The following IFT140 variants were observed in gnomAD, a reference collection of about 807,000 sequenced individuals.
IFT140 encodes intraflagellar transport protein 140 homolog.
Under a neutral mutation model 164.6 loss-of-function variants are expected in IFT140, and 133 were observed. The ratio of observed to expected loss-of-function variants is 0.81; its 90% CI spans 0.70 to 0.93. The LOEUF (loss-of-function observed/expected upper bound fraction) is 0.93, where lower values mean the gene tolerates loss of function less well. Ranked by LOEUF, IFT140 falls within the 40% of genes least tolerant of loss-of-function variation. The probability of loss-of-function intolerance (pLI) is 0.00; values close to 1 mark genes in which losing one functional copy is unlikely to be tolerated. For synonymous variants in IFT140, 860 were observed against 817.3 expected, an observed-to-expected ratio of 1.05 and a Z score of -0.89; for missense variants, 2,045 against 1,972.3, an observed-to-expected ratio of 1.04 and a Z score of -0.70.
At position 1,526,414 on chromosome 16, in the gene IFT140, C is replaced by A. The variant is rs1053796144; in HGVS notation, c.2577+205G>T. The A allele has an allele frequency of 8.0e-6, 5 of 626,586 alleles. No homozygotes were observed. The South Asian group carries it at 8.2e-5, about 10-fold the overall frequency. 38.8% of individuals were successfully genotyped at this position (626,586 alleles called of 1,614,324 possible). ...CAGGCCCACACACCTGACAGGCACA[C>A]ACCCTGGAGAGCCGGCGGTCGCCTA... On this transcript the variant is annotated intron_variant, in intron 20 of 30. Coordinates refer to ENST00000426508, the MANE Select transcript of IFT140 (RefSeq NM_014714.4).
At chr16:1,550,851 G>A (rs995795763) in intron 19 of IFT140, among the ~76,000 whole-genome samples, 2 of 152,256 alleles carry the variant, frequency 1.3e-5, no homozygotes, top group Non-Finnish European at 2.9e-5. Flanking sequence ...AGCCGTCTCT[G>A]TGGCTGACGC....
Position 1,531,154 on chromosome 16 carries a change from T to C in IFT140, c.2400-4358A>G, listed in dbSNP as rs2141218392. ...GGTGTGGGGTTCTGGGGTTTGTGCA[T>C]CTGACATAAATTCCAAGAAGTAAAC... On this transcript the variant is annotated intron_variant, in intron 19 of 30. Transcript: ENST00000426508. The surrounding 1 kb of genome is among the most constrained non-coding windows in gnomAD (Gnocchi z 4.7). 6.6e-6 allele frequency: 1 copy of C among 152,338 alleles called. No individual in the cohort carries two copies. Among genetic ancestry groups the C allele is most frequent in the Non-Finnish European group, 1.5e-5 (1 of 68,044 alleles). The allele number at this position is 152,338 out of a possible 1,614,324, so 9.4% of individuals were successfully genotyped here. A position where few individuals can be genotyped will look rare whatever the true frequency, so the allele number is the denominator to read the frequency against.
At chr16:1,539,598 C>A (rs1472549910) in intron 19 of IFT140, among the ~76,000 whole-genome samples, 2 of 152,250 alleles carry the variant, frequency 1.3e-5, no homozygotes, top group African/African-American at 2.4e-5. Flanking sequence ...TTAGAGAGAA[C>A]CTCGCGGGAG....
chr16:1,546,218 G>C (rs1472241985), intron 19 of IFT140, among the ~76,000 whole-genome samples: 2 of 152,244 alleles, frequency 1.3e-5, no homozygotes, highest in Admixed American at 1.3e-4. Flanking sequence ...GCCACAGCAT[G>C]ACCCTGGCAC....
At chr16:1,549,245 G>A (rs999011545) in intron 19 of IFT140, among the ~76,000 whole-genome samples, 2 of 152,218 alleles carry the variant, frequency 1.3e-5, no homozygotes, top group African/African-American at 4.8e-5. Context: ...TCTCCACACA[G>A]AAGTCACGTA....
At chr16:1,520,832 G>A (rs763923697) in intron 26 of IFT140, 24 bp from the exon 27 acceptor site, 11 of 1,590,654 alleles carry the variant, frequency 6.9e-6, no homozygotes, top group Middle Eastern at 1.6e-4. Context: ...GAAATGGGAC[G>A]GGGCTGCCGA....
intron 18 of IFT140, 105 bp downstream of exon 18, chr16:1,561,880 C>G: frequency 8.3e-7 from 1 of 1,204,194 alleles, no homozygotes; most frequent in Non-Finnish European, 1.1e-6. Flanking sequence ...CCCGGCAGAG[C>G]CACGAGGGCT....
intron 2 of IFT140, among the ~76,000 whole-genome samples, chr16:1,607,853 C>G (rs2036152520): frequency 6.6e-6 from 1 of 152,190 alleles, no homozygotes; most frequent in African/African-American, 2.4e-5. Flanking sequence ...ACTATGTTGC[C>G]CAGGCTGGTC....
intron 19 of IFT140, among the ~76,000 whole-genome samples, chr16:1,530,001 TTC>T (rs1426450382): frequency 4.6e-5 from 7 of 152,168 alleles, no homozygotes; most frequent in Non-Finnish European, 8.8e-5. Flanking sequence ...GACGTCTCAC[TTC>T]TCTAACATCT....
chr16:1,595,744 T>C (rs17135416), intron 4 of IFT140, among the ~76,000 whole-genome samples: 12,693 of 152,106 alleles, frequency 0.083, 665 homozygotes, highest in African/African-American at 0.13. Flanking sequence ...AACAGCTTGA[T>C]GAAGACAAAA....
At chr16:1,540,522 C>G (rs764600640) in intron 19 of IFT140, among the ~76,000 whole-genome samples, 8 of 152,232 alleles carry the variant, frequency 5.3e-5, no homozygotes, top group Non-Finnish European at 1.0e-4. Flanking sequence ...TCGGCCTCCA[C>G]CCAGGACACA....
chr16:1,592,479 G>C lies in IFT140; in HGVS notation c.479C>G (p.Pro160Arg), dbSNP rs1271937012. The C allele has an allele frequency of 1.9e-6, 3 of 1,614,234 alleles. No individual in the cohort carries two copies. The highest frequency in any genetic ancestry group is 2.5e-6 in the Non-Finnish European group (3 of 1,180,030). The change falls in exon 5 of 31, where the codon CCC becomes CGC. Residue 160 changes from proline to arginine, a missense_variant. Pro to Arg is a moderately radical substitution (Grantham distance 103, BLOSUM62 -2). Transcript: ENST00000426508. ...GCCCCACACTTACTCGCCAGGAGGGGGGAGCCGGAAGATGCAGTGCGTGAG... is the reference window on the plus strand; with the variant it reads ...GCCCCACACTTACTCGCCAGGAGGGCGGAGCCGGAAGATGCAGTGCGTGAG... ...KHLTHCIFRL[P>R]PPGEDLVQLA...
intron 19 of IFT140, among the ~76,000 whole-genome samples, chr16:1,557,339 T>C (rs2033153450): frequency 6.6e-6 from 1 of 152,230 alleles, no homozygotes; most frequent in Non-Finnish European, 1.5e-5. Context: ...GCCGGGGTCC[T>C]GCACCCTCTC....
At chr16:1,577,905 A>T (rs1329582541) in intron 13 of IFT140, 1 of 152,106 alleles carries the variant, frequency 6.6e-6, no homozygotes, top group Admixed American at 6.6e-5. Flanking sequence ...ACAGATGCCC[A>T]CATGCAATGG....
chr16:1,610,798 T>A lies in IFT140; in HGVS notation c.-166A>T, dbSNP rs2142146370. 6.5e-6 allele frequency: 1 copy of A among 153,780 alleles called. No homozygotes were observed. Among genetic ancestry groups the A allele is most frequent in the East Asian group, 1.9e-4 (1 of 5,180 alleles). 9.5% of individuals were successfully genotyped at this position (153,780 alleles called of 1,614,324 possible). A position where few individuals can be genotyped will look rare whatever the true frequency, so the allele number is the denominator to read the frequency against. On this transcript the variant is annotated 5_prime_UTR_variant, in exon 2 of 31. Coordinates refer to ENST00000426508, the MANE Select transcript of IFT140 (RefSeq NM_014714.4). ...AGCGGCCGGAAAGAGCCGAAGGCGA[T>A]CGGGCACGCACGTGCAGCTCCGAGG...
At chr16:1,595,119 A>C (rs1274329373) in intron 4 of IFT140, among the ~76,000 whole-genome samples, 1 of 151,832 alleles carries the variant, frequency 6.6e-6, no homozygotes, top group Non-Finnish European at 1.5e-5. Context: ...CCCTGTCTCT[A>C]CTAAAAATAC....
intron 29 of IFT140, among the ~76,000 whole-genome samples, 186 bp downstream of exon 29, chr16:1,519,695 C>T (rs2040461625): frequency 6.6e-6 from 1 of 152,210 alleles, no homozygotes; most frequent in Non-Finnish European, 1.5e-5. Flanking sequence ...AGAACACCTT[C>T]CCAAGGCTGT....
intron 24 of IFT140, chr16:1,524,281 A>G (rs545737967): frequency 6.6e-6 from 4 of 609,782 alleles, no homozygotes; most frequent in African/African-American, 1.8e-5. Flanking sequence ...CTGCAAGGCC[A>G]TAGGCCGTGA....
intron 19 of IFT140, among the ~76,000 whole-genome samples, chr16:1,546,422 G>A (rs2032176808): frequency 6.6e-6 from 1 of 152,204 alleles, no homozygotes; most frequent in South Asian, 2.1e-4. Flanking sequence ...GGTCAGCTGT[G>A]AGTGCCTGGA....
Sources: gnomAD v4.1 joint callset for allele counts (sites outside exome capture counted in the v4.1 genomes callset) on GRCh38, gnomAD v4.1.1 for gene constraint, Gnocchi (gnomAD v3.1) non-coding constraint, MANE v1.5 for transcripts, NCBI Gene and HGNC (gene_info 2026-07-23, HGNC 2026-07-21) for gene names.